Variants in NRF1 observed in about 807,000 individuals in gnomAD.
NRF1 encodes the protein alpha palindromic-binding protein.
In NRF1, 5 loss-of-function variants were observed where a neutral mutation model predicts 58.5. The ratio of observed to expected loss-of-function variants is 0.09; its 90% CI spans 0.04 to 0.18. The LOEUF is 0.18. Ranked by LOEUF, NRF1 falls within the 10% of genes least tolerant of loss-of-function variation. The pLI, the probability that NRF1 is intolerant of heterozygous loss-of-function variation, is 1.00. For synonymous variants in NRF1, 224 were observed against 246.7 expected (o/e 0.91, Z 0.86); for missense variants, 288 against 657.7 (o/e 0.44, Z 6.15).
At chr7:129,632,159 A>G (rs1024554365) in intron 1 of NRF1, among the ~76,000 whole-genome samples, 1 of 152,124 alleles carries the variant, frequency 6.6e-6, no homozygotes, top group African/African-American at 2.4e-5. Context: ...ACGTAGTCCC[A>G]GCTGCTTGGG....
intron 1 of NRF1, among the ~76,000 whole-genome samples, chr7:129,614,867 C>T (rs1267876189): frequency 6.6e-6 from 1 of 152,088 alleles, no homozygotes; most frequent in Non-Finnish European, 1.5e-5. Flanking sequence ...ATTTAAATAC[C>T]TGAATTTGCA....
At chr7:129,745,075 T>C (rs569969941) in intron 10 of NRF1, among the ~76,000 whole-genome samples, 1 of 152,314 alleles carries the variant, frequency 6.6e-6, no homozygotes, top group South Asian at 2.1e-4. Context: ...GAGTAACTCC[T>C]GAGTGGGCCT....
At chr7:129,743,446 C>T (rs371913010) in intron 10 of NRF1, among the ~76,000 whole-genome samples, 33 of 152,330 alleles carry the variant, frequency 2.2e-4, no homozygotes, top group Non-Finnish European at 2.8e-4. Flanking sequence ...TTTCCATTTT[C>T]AGCAACTCTT....
chr7:129,741,579 T>C lies in NRF1; in HGVS notation c.1349-13439T>C, dbSNP rs915782588. On this transcript the variant is annotated intron_variant, in intron 10 of 10. Coordinates refer to ENST00000393232, the MANE Select transcript of NRF1 (RefSeq NM_005011.5). This position sits in a 1 kb window ranked among gnomAD's most constrained non-coding sequence, Gnocchi z 4.0. ...ACATGGATGGCAAAGTGGGTTTTAA[T>C]TGAGCATGTAAAAAGGGCATTAATC... Among the ~76,000 whole-genome samples, 9 of 152,196 alleles carry C rather than the reference T, an allele frequency of 5.9e-5. No individual in the cohort carries two copies. The highest frequency in any genetic ancestry group is 1.9e-4 in the African/African-American group (8 of 41,450).
intron 1 of NRF1, among the ~76,000 whole-genome samples, chr7:129,625,684 T>G (rs2151058630): frequency 7.3e-6 from 1 of 137,442 alleles, no homozygotes; most frequent in East Asian, 2.1e-4. Flanking sequence ...AATTTTTTTT[T>G]TTTTTTTTTT....
rs1053093976 is a variant in NRF1, at chr7:129,755,234, C to T, written c.*53C>T. On this transcript the variant is annotated 3_prime_UTR_variant, in exon 11 of 11. Coordinates refer to ENST00000393232, the MANE Select transcript of NRF1 (RefSeq NM_005011.5). The surrounding 1 kb of genome is among the most constrained non-coding windows in gnomAD (Gnocchi z 5.8). ...CTAGTCTACTTCAAAATTTTTTACA[C>T]GTTTGCAGAGGTGCAATCAAATGGA... The T allele has an allele frequency of 1.9e-5, 28 of 1,445,440 alleles. No homozygotes were observed. The highest frequency in any genetic ancestry group is 1.8e-4 in the Middle Eastern group (1 of 5,556). 89.5% of individuals were successfully genotyped at this position (1,445,440 alleles called of 1,614,324 possible).
intron 9 of NRF1, 119 bp downstream of exon 9, chr7:129,717,495 A>T (rs1159240995): frequency 3.7e-6 from 4 of 1,094,898 alleles, no homozygotes; most frequent in South Asian, 1.7e-5. Flanking sequence ...GGAACTTAAC[A>T]CTCTTGGCCC....
At chr7:129,616,577 C>T (rs541557257) in intron 1 of NRF1, among the ~76,000 whole-genome samples, 7 of 152,154 alleles carry the variant, frequency 4.6e-5, no homozygotes, top group East Asian at 1.9e-4. Flanking sequence ...CCTGCCTGGG[C>T]GACAGTGCGA....
At chr7:129,662,591 T>G (rs1801811010) in intron 2 of NRF1, among the ~76,000 whole-genome samples, 1 of 152,178 alleles carries the variant, frequency 6.6e-6, no homozygotes, top group South Asian at 2.1e-4. Flanking sequence ...TATATTTCAA[T>G]GAATACTGGA....
chr7:129,686,904 T>C lies in NRF1; in HGVS notation c.466-3502T>C, dbSNP rs148991435. 1.8e-4 allele frequency among the ~76,000 whole-genome samples: 28 copies of C among 152,366 alleles called. 1 individual carries two copies. In the East Asian group the frequency reaches 5.2e-3, roughly 28 times the overall value. On this transcript the variant is annotated intron_variant, in intron 4 of 10. Coordinates refer to ENST00000393232, the MANE Select transcript of NRF1 (RefSeq NM_005011.5). ...TGACACCATTGATTATAAGATGTGCTGTTATTTGTGTACTATGAAGAAAGA... is the reference window on the plus strand; with the variant it reads ...TGACACCATTGATTATAAGATGTGCCGTTATTTGTGTACTATGAAGAAAGA...
At chr7:129,754,898 G>A in intron 10 of NRF1, 120 bp from the exon 11 acceptor site, 1 of 931,570 alleles carries the variant, frequency 1.1e-6, no homozygotes, top group Non-Finnish European at 1.5e-6. Context: ...CCATGGGTAT[G>A]TGATCACCTG....
At chr7:129,738,750 G>C (rs1019373705) in intron 10 of NRF1, among the ~76,000 whole-genome samples, 2 of 152,136 alleles carry the variant, frequency 1.3e-5, no homozygotes, top group Non-Finnish European at 2.9e-5. Context: ...AAACTGAGTA[G>C]AATAGATCTT....
chr7:129,687,477 T>TGTTG (rs1802468247), intron 4 of NRF1, among the ~76,000 whole-genome samples: 1 of 152,152 alleles, frequency 6.6e-6, no homozygotes, highest in Non-Finnish European at 1.5e-5. Flanking sequence ...GGTTTCACCA[T>TGTTG]GTTGGTCAGG....
At chr7:129,649,661 T>C (rs1483964940) in intron 1 of NRF1, among the ~76,000 whole-genome samples, 1 of 151,444 alleles carries the variant, frequency 6.6e-6, no homozygotes, top group Non-Finnish European at 1.5e-5. Flanking sequence ...CCACCCATAC[T>C]GGCCTAGAGG....
intron 8 of NRF1, among the ~76,000 whole-genome samples, chr7:129,714,695 A>G (rs1264449502): frequency 6.6e-6 from 1 of 152,210 alleles, no homozygotes; most frequent in African/African-American, 2.4e-5. Context: ...TCCACTGCCC[A>G]TGAGAACTCA....
At chr7:129,694,623 C>T (rs1802645527) in intron 5 of NRF1, among the ~76,000 whole-genome samples, 1 of 152,206 alleles carries the variant, frequency 6.6e-6, no homozygotes, top group Non-Finnish European at 1.5e-5. Flanking sequence ...CCATCTTGGC[C>T]TCCCAAAGTG....
intron 8 of NRF1, among the ~76,000 whole-genome samples, 173 bp from the exon 9 acceptor site, chr7:129,717,046 C>G (rs1206214632): frequency 6.6e-6 from 1 of 152,160 alleles, no homozygotes; most frequent in East Asian, 1.9e-4. Flanking sequence ...TCTAATACCC[C>G]CTTTTTTATG....
intron 1 of NRF1, among the ~76,000 whole-genome samples, chr7:129,643,091 G>A (rs1289543970): frequency 6.6e-6 from 1 of 152,174 alleles, no homozygotes; most frequent in Non-Finnish European, 1.5e-5. Flanking sequence ...GTAAATATTT[G>A]TTGAATGAAG....
intron 1 of NRF1, among the ~76,000 whole-genome samples, chr7:129,646,581 T>C (rs1489407868): frequency 6.6e-6 from 1 of 152,154 alleles, no homozygotes; most frequent in Non-Finnish European, 1.5e-5. Context: ...TGGAATGCCA[T>C]TCAGCTGGTA....
Sources: gnomAD v4.1 joint callset for allele counts (sites outside exome capture counted in the v4.1 genomes callset) on GRCh38, gnomAD v4.1.1 for gene constraint, Gnocchi (gnomAD v3.1) non-coding constraint, MANE v1.5 for transcripts, NCBI Gene and HGNC (gene_info 2026-07-23, HGNC 2026-07-21) for gene names.